The following TMEM106B variants were observed in gnomAD, a reference collection of about 807,000 sequenced individuals.
TMEM106B encodes transmembrane protein 106B.
TMEM106B carries 15 observed loss-of-function variants against 31.1 expected under a neutral mutation model. That is an observed-to-expected ratio of 0.48 (90% CI 0.32 to 0.74). The LOEUF is 0.74. Among genes scored for constraint, TMEM106B ranks in the 30% least tolerant of loss-of-function variants. The pLI is 0.03. For synonymous variants in TMEM106B, 126 were observed against 112.5 expected (o/e 1.12, Z -0.76); for missense variants, 283 against 327.3 (o/e 0.86, Z 1.04).
rs1417793540 is a variant in TMEM106B at position 12,240,612 on chromosome 7, A to G, written c.*8637A>G. On this transcript the variant is annotated 3_prime_UTR_variant, in exon 8 of 8. Transcript: ENST00000396668. ...GAAAATGAAAAGATGTATTACCTGA[A>G]TGTGCTCCTCCTAGCCAGTTTCTCA... The G allele has an allele frequency of 6.6e-6, 1 of 152,010 alleles. No individual in the cohort carries two copies. The highest frequency in any genetic ancestry group is 1.5e-5 in the Non-Finnish European group (1 of 68,020). The allele number at this position is 152,010 out of a possible 1,614,324, so 9.4% of individuals were successfully genotyped here.
At chr7:12,220,035 G>C (rs1781758035) in intron 3 of TMEM106B, among the ~76,000 whole-genome samples, 1 of 152,038 alleles carries the variant, frequency 6.6e-6, no homozygotes, top group Admixed American at 6.6e-5. Context: ...CTAGGCAAAA[G>C]GATCAATTAA....
In TMEM106B at chr7:12,234,929, A is replaced by G. The variant is rs1227519935; in HGVS notation, c.*2954A>G. On this transcript the variant is annotated 3_prime_UTR_variant, in exon 8 of 8. Coordinates refer to ENST00000396668, the MANE Select transcript of TMEM106B (RefSeq NM_001134232.2). ...TTGAGGGACTGGCTGAAGATCACGT[A>G]CTTACTAAGTAGTACAACTGGAGCA... The G allele has an allele frequency of 3.3e-5, 5 of 151,904 alleles. No homozygotes were observed. The highest frequency in any genetic ancestry group is 1.2e-4 in the African/African-American group (5 of 41,426). The allele number at this position is 151,904 out of a possible 1,614,324, so 9.4% of individuals were successfully genotyped here.
Position 12,240,723 on chromosome 7 carries a change from T to G in TMEM106B, c.*8748T>G, listed in dbSNP as rs1274134195. The G allele has an allele frequency of 6.6e-6, 1 of 152,064 alleles. No homozygotes were observed. Among genetic ancestry groups the G allele is most frequent in the African/African-American group, 2.4e-5 (1 of 41,420 alleles). The allele number at this position is 152,064 out of a possible 1,614,324, so 9.4% of individuals were successfully genotyped here. The stretch of plus-strand genomic sequence containing the variant: ...TTCCTTGATCAGTGGTTTTTCAGAA[T>G]TTTTTAAAGCTTGTGAAATACTTAT... On this transcript the variant is annotated 3_prime_UTR_variant, in exon 8 of 8. Coordinates refer to ENST00000396668, the MANE Select transcript of TMEM106B (RefSeq NM_001134232.2).
chr7:12,229,714 T>G lies in TMEM106B; in HGVS notation c.477T>G (p.Ser159=). Residue 159 remains serine (S), a synonymous_variant, in exon 5 of 8, where the codon TCT becomes TCG. Coordinates refer to ENST00000396668, the MANE Select transcript of TMEM106B (RefSeq NM_001134232.2). ...ATATAACAAACAATAACTATTACTC[T>G]GTCGAAGTTGAAAACATCACTGCCC... ...TLNITNNNYY[S]VEVENITAQV... is the part of the protein sequence containing the mutation. 1 of 1,612,264 alleles carries G rather than the reference T, an allele frequency of 6.2e-7. No individual in the cohort carries two copies. Among genetic ancestry groups the G allele is most frequent in the African/African-American group, 1.3e-5 (1 of 74,954 alleles).
chr7:12,212,883 C>G (rs1406565469), intron 1 of TMEM106B, among the ~76,000 whole-genome samples: 2 of 152,132 alleles, frequency 1.3e-5, no homozygotes, highest in Admixed American at 6.5e-5. Context: ...TACTATCTGT[C>G]TGAATGTATG....
intron 4 of TMEM106B, among the ~76,000 whole-genome samples, chr7:12,228,098 T>G (rs1781938457): frequency 6.6e-6 from 1 of 151,880 alleles, no homozygotes; most frequent in Non-Finnish European, 1.5e-5. Context: ...AAGAGCCAAA[T>G]AGATAAAATG....
rs1469297238 is a variant in TMEM106B at position 12,214,904 on chromosome 7, A to G, written c.94A>G (p.Asn32Asp). 5 of 1,613,982 alleles carry G rather than the reference A, an allele frequency of 3.1e-6. No individual in the cohort carries two copies. In the East Asian group the frequency reaches 1.1e-4, roughly 36 times the overall value. ...TGAAAACATGAGGAATGGACTGGTTAATAGTGAAGTCCATAATGAAGATGG... is the reference window on the plus strand; with the variant it reads ...TGAAAACATGAGGAATGGACTGGTTGATAGTGAAGTCCATAATGAAGATGG... The part of the protein sequence containing the change: ...TSENMRNGLV[N>D]SEVHNEDGRN... The change falls in exon 2 of 8, where the codon AAT (asparagine) becomes GAT (aspartate). Residue 32 changes from asparagine (N) to aspartate (D), a missense_variant. This residue lies in a region of TMEM106B where 77 missense variants were observed against 89.4 expected (regional missense o/e 0.86). Transcript: ENST00000396668.
Position 12,241,878 on chromosome 7 carries a change from G to C in TMEM106B, c.*9903G>C, listed in dbSNP as rs544307157. ...ACACTCCCACCAACAGTGTGTAAAA[G>C]CTTCCTATTTCTCTACATTCTCTCC... On this transcript the variant is annotated 3_prime_UTR_variant, in exon 8 of 8. Coordinates refer to ENST00000396668, the MANE Select transcript of TMEM106B (RefSeq NM_001134232.2). The C allele has an allele frequency of 2.0e-5, 3 of 152,252 alleles. No homozygotes were observed. The highest frequency in any genetic ancestry group is 4.1e-4 in the South Asian group (2 of 4,826). The allele number at this position is 152,252 out of a possible 1,614,324, so 9.4% of individuals were successfully genotyped here. A position where few individuals can be genotyped will look rare whatever the true frequency, so the allele number is the denominator to read the frequency against.
chr7:12,222,092 T>G (rs1781800501), intron 3 of TMEM106B, among the ~76,000 whole-genome samples: 1 of 152,244 alleles, frequency 6.6e-6, no homozygotes, highest in African/African-American at 2.4e-5. Context: ...TTTAGCTATG[T>G]CATTTAATCC....
At chr7:12,228,836 A>G (rs1781957362) in intron 4 of TMEM106B, among the ~76,000 whole-genome samples, 1 of 152,074 alleles carries the variant, frequency 6.6e-6, no homozygotes, top group South Asian at 2.1e-4. Flanking sequence ...TTTTACTTAA[A>G]TAAACGTTTT....
At chr7:12,213,281 C>G (rs150404395) in intron 1 of TMEM106B, among the ~76,000 whole-genome samples, 1 of 147,704 alleles carries the variant, frequency 6.8e-6, no homozygotes, top group African/African-American at 2.5e-5. Context: ...TTTTAACTGT[C>G]AACTGTTGAA....
intron 3 of TMEM106B, among the ~76,000 whole-genome samples, chr7:12,223,122 C>T (rs1157690358): frequency 6.6e-6 from 1 of 152,072 alleles, no homozygotes; most frequent in Non-Finnish European, 1.5e-5. Context: ...TGAGGTTAAC[C>T]TTGAAAAGAG....
At chr7:12,214,469 C>A (rs1207745972) in intron 1 of TMEM106B, 1 of 212,188 alleles carries the variant, frequency 4.7e-6, no homozygotes, top group Non-Finnish European at 9.4e-6. Flanking sequence ...ACCTGGACAC[C>A]CCCCAGCCTT....
At chr7:12,212,875 C>A (rs1032422728) in intron 1 of TMEM106B, among the ~76,000 whole-genome samples, 1 of 152,124 alleles carries the variant, frequency 6.6e-6, no homozygotes, top group East Asian at 1.9e-4. Context: ...GAAAGAAATA[C>A]TATCTGTCTG....
intron 4 of TMEM106B, among the ~76,000 whole-genome samples, chr7:12,228,988 T>C (rs1781960147): frequency 6.6e-6 from 1 of 152,130 alleles, no homozygotes; most frequent in African/African-American, 2.4e-5. Context: ...TTGTAAGGGC[T>C]CTTTGCATGT....
chr7:12,233,061 G>A lies in TMEM106B; in HGVS notation c.*1086G>A, dbSNP rs1782057810. ...AATTGAATGTCATTAAATGATGGTGGCCAAAATAAAACCTATTTAGAAATT... is the reference window on the plus strand; with the variant it reads ...AATTGAATGTCATTAAATGATGGTGACCAAAATAAAACCTATTTAGAAATT... On this transcript the variant is annotated 3_prime_UTR_variant, in exon 8 of 8. Transcript: ENST00000396668. 1 of 151,762 alleles carries A rather than the reference G, an allele frequency of 6.6e-6. No homozygotes were observed. Among genetic ancestry groups the A allele is most frequent in the Admixed American group, 6.6e-5 (1 of 15,228 alleles). 9.4% of individuals were successfully genotyped at this position (151,762 alleles called of 1,614,324 possible). A position where few individuals can be genotyped will look rare whatever the true frequency, so the allele number is the denominator to read the frequency against.
At chr7:12,220,095 G>A (rs1478858750) in intron 3 of TMEM106B, among the ~76,000 whole-genome samples, 2 of 152,138 alleles carry the variant, frequency 1.3e-5, no homozygotes, top group Non-Finnish European at 2.9e-5. Flanking sequence ...TGACTACAGT[G>A]CCTCAAACGG....
rs1782122997 is a variant in TMEM106B, at chr7:12,235,874, G to C, written c.*3899G>C. ...AAGGTTGCTTACCATAATGTCATTA[G>C]GTCACGATTTTTAGCTCACATCTGG... On this transcript the variant is annotated 3_prime_UTR_variant, in exon 8 of 8. Coordinates refer to ENST00000396668, the MANE Select transcript of TMEM106B (RefSeq NM_001134232.2). 1 of 151,748 alleles carries C rather than the reference G, an allele frequency of 6.6e-6. No individual in the cohort carries two copies. The highest frequency in any genetic ancestry group is 1.9e-4 in the East Asian group (1 of 5,190). The allele number at this position is 151,748 out of a possible 1,614,324, so 9.4% of individuals were successfully genotyped here.
chr7:12,217,139 G>A (rs1298403108), intron 2 of TMEM106B, among the ~76,000 whole-genome samples: 1 of 152,116 alleles, frequency 6.6e-6, no homozygotes, highest in African/African-American at 2.4e-5. Context: ...TTGGAGCAAT[G>A]TTCTTGAATA....
Sources: gnomAD v4.1 joint callset for allele counts (sites outside exome capture counted in the v4.1 genomes callset) on GRCh38, gnomAD v4.1.1 for gene constraint, gnomAD v4.1.1 regional missense constraint, MANE v1.5 for transcripts, NCBI Gene and HGNC (gene_info 2026-07-23, HGNC 2026-07-21) for gene names.